Variants in BRMS1L observed in about 807,000 individuals in gnomAD.
The protein encoded by BRMS1L is BRMS1 like transcriptional repressor.
In BRMS1L, 23 loss-of-function variants were observed where a neutral mutation model predicts 50.3. That is an observed-to-expected ratio of 0.46 (90% confidence interval 0.33 to 0.65). BRMS1L has a LOEUF of 0.65. Among genes scored for constraint, BRMS1L ranks in the 30% least tolerant of loss-of-function variants. BRMS1L has a pLI of 0.02. For synonymous variants in BRMS1L, 114 were observed against 126.9 expected (o/e 0.90, Z 0.69); for missense variants, 286 against 386.1 (o/e 0.74, Z 2.17).
chr14:35,843,960 A>C (rs913310629), intron 4 of BRMS1L, among the ~76,000 whole-genome samples: 1 of 152,146 alleles, frequency 6.6e-6, no homozygotes, highest in Non-Finnish European at 1.5e-5. Context: ...CCCAGTTGCA[A>C]CTTCCTGGTG....
At chr14:35,850,427 G>C (rs1233798333) in intron 4 of BRMS1L, among the ~76,000 whole-genome samples, 21 of 149,328 alleles carry the variant, frequency 1.4e-4, no homozygotes, top group Admixed American at 1.4e-3. Flanking sequence ...AGCTGGTCTT[G>C]AATTCCGATC....
At chr14:35,835,958 C>G (rs951640409) in intron 4 of BRMS1L, among the ~76,000 whole-genome samples, 3 of 152,178 alleles carry the variant, frequency 2.0e-5, no homozygotes, top group Non-Finnish European at 4.4e-5. Context: ...AATAAGAGGA[C>G]AAGTTCTATA....
chr14:35,862,557 T>G, intron 4 of BRMS1L, 33 bp from the exon 5 acceptor site: 2 of 1,475,462 alleles, frequency 1.4e-6, no homozygotes, highest in Non-Finnish European at 1.8e-6. Flanking sequence ...ATTTTTTTCT[T>G]TCTACTTAAG....
chr14:35,834,824 G>A lies in BRMS1L; in HGVS notation c.362-20G>A, dbSNP rs370454115. ...ACTTCTCATTGCTAACATAATCAGA[G>A]TAATTGTGTTTGGTTGCAGGAATCT... On this transcript the variant is annotated intron_variant, in intron 3 of 9. Transcript: ENST00000216807. 16 of 1,501,728 alleles carry A rather than the reference G, an allele frequency of 1.1e-5. No homozygotes were observed. The highest frequency in any genetic ancestry group is 6.0e-5 in the Admixed American group (3 of 49,716). 93.0% of individuals were successfully genotyped at this position (1,501,728 alleles called of 1,614,324 possible). A position where few individuals can be genotyped will look rare whatever the true frequency, so the allele number is the denominator to read the frequency against.
At chr14:35,847,216 C>T (rs765267707) in intron 4 of BRMS1L, among the ~76,000 whole-genome samples, 19 of 152,238 alleles carry the variant, frequency 1.2e-4, no homozygotes, top group Non-Finnish European at 2.2e-4. Context: ...TGGGCTCAAG[C>T]GATCTGCCAC....
intron 8 of BRMS1L, chr14:35,866,172 A>G (rs1958074): frequency 0.046 from 7,300 of 159,200 alleles, 588 homozygotes; most frequent in African/African-American, 0.16. Context: ...ATGCCTTAGT[A>G]AAATTCATAT....
At chr14:35,829,368 A>C (rs567850936) in intron 1 of BRMS1L, among the ~76,000 whole-genome samples, 2 of 152,284 alleles carry the variant, frequency 1.3e-5, no homozygotes, top group South Asian at 4.1e-4. Context: ...TTTTATGTTG[A>C]CTCTTGTGAT....
In BRMS1L at chr14:35,841,587, G is replaced by A. The variant is rs1169021; in HGVS notation, c.441+6664G>A. On this transcript the variant is annotated intron_variant, in intron 4 of 9. Transcript: ENST00000216807. ...GCTGGGATTACAGGCGTAAGCCACC[G>A]TGCCTGGGCTATGTGGTCAATTTTA... Among the ~76,000 whole-genome samples the A allele has an allele frequency of 4.7e-3, 711 of 152,274 alleles. 2 individuals carry two copies. The highest frequency in any genetic ancestry group is 0.015 in the African/African-American group (638 of 41,550).
intron 8 of BRMS1L, chr14:35,865,973 C>T: frequency 1.9e-6 from 1 of 515,632 alleles, no homozygotes; most frequent in Non-Finnish European, 3.4e-6. Flanking sequence ...TGTTCAGCTA[C>T]ATTCTTATTG....
At chr14:35,846,792 TGAG>T (rs1428106011) in intron 4 of BRMS1L, among the ~76,000 whole-genome samples, 3 of 152,236 alleles carry the variant, frequency 2.0e-5, no homozygotes, top group African/African-American at 4.8e-5. Context: ...ATAAATATTT[TGAG>T]GAGAAGGACT....
intron 4 of BRMS1L, among the ~76,000 whole-genome samples, chr14:35,836,505 T>G (rs1567301319): frequency 6.6e-6 from 1 of 152,100 alleles, no homozygotes; most frequent in Non-Finnish European, 1.5e-5. Flanking sequence ...CACACCCAGC[T>G]AATTTTTAAA....
At position 35,870,859 on chromosome 14, in the gene BRMS1L, G is replaced by C. The variant is rs1457138019; in HGVS notation, c.*382G>C. 1 of 157,500 alleles carries C rather than the reference G, an allele frequency of 6.3e-6. No homozygotes were observed. Among genetic ancestry groups the C allele is most frequent in the Non-Finnish European group, 1.4e-5 (1 of 71,754 alleles). 9.8% of individuals were successfully genotyped at this position (157,500 alleles called of 1,614,324 possible). On this transcript the variant is annotated 3_prime_UTR_variant, in exon 10 of 10. Coordinates refer to ENST00000216807, the MANE Select transcript of BRMS1L (RefSeq NM_032352.4). ...TATCTTTGTCATTCATTGTGTGTTTGTAAATAAGGCCGATAGAATGTTTCC... is the reference window on the plus strand; with the variant it reads ...TATCTTTGTCATTCATTGTGTGTTTCTAAATAAGGCCGATAGAATGTTTCC...
Position 35,865,755 on chromosome 14 carries a change from A to G in BRMS1L, c.721A>G (p.Thr241Ala). 6.2e-7 allele frequency: 1 copy of G among 1,601,024 alleles called. No individual in the cohort carries two copies. The highest frequency in any genetic ancestry group is 8.5e-7 in the Non-Finnish European group (1 of 1,176,990). The change falls in exon 8 of 10, where the codon ACG (threonine) becomes GCG (alanine). Residue 241 changes from threonine (T) to alanine (A), a missense_variant. Physicochemically the swap from Thr to Ala is moderately conservative, Grantham distance 58. Coordinates refer to ENST00000216807, the MANE Select transcript of BRMS1L (RefSeq NM_032352.4). Reference sequence around the variant, plus strand: ...TACATTGGGGCCACACAGAGTGAAAACGGAACGTAAGTCATTTAGTCTGAG... The same window carrying G: ...TACATTGGGGCCACACAGAGTGAAAGCGGAACGTAAGTCATTTAGTCTGAG... ...MATLGPHRVK[T>A]EPPVKLEKHL... is the part of the protein sequence containing the mutation.
At chr14:35,850,161 A>C (rs2078191601) in intron 4 of BRMS1L, among the ~76,000 whole-genome samples, 1 of 148,872 alleles carries the variant, frequency 6.7e-6, no homozygotes, top group South Asian at 2.1e-4. Flanking sequence ...TTGCCTTTTC[A>C]GATATATGGT....
At chr14:35,850,560 G>C (rs2078198210) in intron 4 of BRMS1L, among the ~76,000 whole-genome samples, 1 of 152,172 alleles carries the variant, frequency 6.6e-6, no homozygotes, top group African/African-American at 2.4e-5. Context: ...AGTTTTGGTA[G>C]TCTCACTTGT....
chr14:35,848,495 C>T (rs1307768051), intron 4 of BRMS1L, among the ~76,000 whole-genome samples: 1 of 152,126 alleles, frequency 6.6e-6, no homozygotes, highest in Non-Finnish European at 1.5e-5. Context: ...ACCACTGCAT[C>T]TGGCTACAAT....
At chr14:35,855,234 T>G (rs1224015711) in intron 4 of BRMS1L, among the ~76,000 whole-genome samples, 2 of 152,292 alleles carry the variant, frequency 1.3e-5, no homozygotes, top group East Asian at 1.9e-4. Flanking sequence ...TTGTTGATTT[T>G]GGGTCCTTGG....
chr14:35,835,180 G>A (rs1319148199), intron 4 of BRMS1L, among the ~76,000 whole-genome samples: 1 of 152,082 alleles, frequency 6.6e-6, no homozygotes, highest in African/African-American at 2.4e-5. Context: ...ACTTTGCAAC[G>A]ATTATGTCAC....
intron 4 of BRMS1L, among the ~76,000 whole-genome samples, chr14:35,841,371 T>C (rs1474273887): frequency 6.6e-6 from 1 of 152,072 alleles, no homozygotes; most frequent in African/African-American, 2.4e-5. Flanking sequence ...CAATCTCGGC[T>C]CACTGCAAGC....
Sources: gnomAD v4.1 joint callset for allele counts (sites outside exome capture counted in the v4.1 genomes callset) on GRCh38, gnomAD v4.1.1 for gene constraint, MANE v1.5 for transcripts, NCBI Gene and HGNC (gene_info 2026-07-23, HGNC 2026-07-21) for gene names.